Variants in PRKG1 observed in about 807,000 individuals in gnomAD.
The protein encoded by PRKG1 is protein kinase cGMP-dependent 1.
PRKG1 carries 35 observed loss-of-function variants against 88.1 expected under a neutral mutation model. The observed-to-expected ratio is 0.40, with a 90% CI of 0.30 to 0.53. PRKG1 has a LOEUF of 0.53. Among genes scored for constraint, PRKG1 ranks in the 20% least tolerant of loss-of-function variants. The probability of loss-of-function intolerance (pLI) is 0.59; values close to 1 mark genes in which losing one functional copy is unlikely to be tolerated. For synonymous variants in PRKG1, 303 were observed against 292.5 expected (o/e 1.04, Z -0.37); for missense variants, 540 against 839.8 (o/e 0.64, Z 4.41).
chr10:52,246,390 T>G lies in PRKG1; in HGVS notation c.1077-5180T>G, dbSNP rs1841021634. On this transcript the variant is annotated intron_variant, in intron 9 of 17. Transcript: ENST00000373980. The stretch of plus-strand genomic sequence containing the variant: ...GAGATGGGGAAGGGGAGGAAGAGAC[T>G]GAGATTATTCTATTATTGTTTTCTT... Among the ~76,000 whole-genome samples, 3 of 151,602 alleles carry G rather than the reference T, an allele frequency of 2.0e-5. 1 individual carries two copies. Among genetic ancestry groups the G allele is most frequent in the Admixed American group, 2.0e-4 (3 of 15,180 alleles).
chr10:51,039,579 TTG>T (rs376505695), intron 1 of PRKG1, among the ~76,000 whole-genome samples: 1 of 151,854 alleles, frequency 6.6e-6, no homozygotes, highest in Non-Finnish European at 1.5e-5. Context: ...GGAGAAGTTT[TTG>T]TGTGTGTGTG....
At chr10:51,752,009 T>C (rs1004572889) in intron 3 of PRKG1, among the ~76,000 whole-genome samples, 6 of 152,210 alleles carry the variant, frequency 3.9e-5, no homozygotes, top group African/African-American at 7.2e-5. Flanking sequence ...GTACAAACTT[T>C]TTTTACTGAT....
chr10:51,344,285 G>T (rs211084), intron 2 of PRKG1, among the ~76,000 whole-genome samples: 1 of 151,828 alleles, frequency 6.6e-6, no homozygotes, highest in Non-Finnish European at 1.5e-5. Flanking sequence ...GCTTTTATAC[G>T]ACCAGATCTT....
At position 52,001,210 on chromosome 10, in the gene PRKG1, T is replaced by C. The variant is rs78480376; in HGVS notation, c.763-53274T>C. Among the ~76,000 whole-genome samples, 1,256 of 152,098 alleles carry C rather than the reference T, an allele frequency of 8.3e-3. 11 individuals are homozygous for C. Among genetic ancestry groups the C allele is most frequent in the Middle Eastern group, 0.044 (13 of 294 alleles). ...TTTTTCAAGACTGGATAATATTTCA[T>C]TGTGTATAACTTTTCTTTACCCATT... is the stretch of plus-strand genomic sequence containing the variant. On this transcript the variant is annotated intron_variant, in intron 5 of 17. Coordinates refer to ENST00000373980, the MANE Select transcript of PRKG1 (RefSeq NM_006258.4).
intron 2 of PRKG1, among the ~76,000 whole-genome samples, chr10:51,240,311 CTA>C (rs1187109892): frequency 2.0e-5 from 3 of 152,162 alleles, no homozygotes; most frequent in Non-Finnish European, 2.9e-5. Flanking sequence ...CTCAGCATTT[CTA>C]TGTTTTTTAT....
chr10:51,838,190 T>C (rs759304182), intron 4 of PRKG1, among the ~76,000 whole-genome samples: 1 of 152,166 alleles, frequency 6.6e-6, no homozygotes, highest in East Asian at 1.9e-4. Flanking sequence ...ATTTAAAATA[T>C]AACATTCAAG....
intron 2 of PRKG1, among the ~76,000 whole-genome samples, chr10:51,232,400 C>A (rs1484034002): frequency 6.6e-6 from 1 of 152,054 alleles, no homozygotes; most frequent in Non-Finnish European, 1.5e-5. Flanking sequence ...CAGCTGTTTG[C>A]CAGGTATGGT....
At chr10:51,966,790 C>G (rs1278432004) in intron 5 of PRKG1, among the ~76,000 whole-genome samples, 1 of 152,308 alleles carries the variant, frequency 6.6e-6, no homozygotes, top group Middle Eastern at 3.4e-3. Context: ...TCCAGGCCAG[C>G]CTTTCCTCAT....
At chr10:51,489,439 A>G (rs1402938013) in intron 3 of PRKG1, among the ~76,000 whole-genome samples, 1 of 152,144 alleles carries the variant, frequency 6.6e-6, no homozygotes, top group Non-Finnish European at 1.5e-5. Context: ...TATTCCCCCA[A>G]CTAGCAGCAT....
intron 2 of PRKG1, among the ~76,000 whole-genome samples, chr10:51,364,644 A>C (rs2132594102): frequency 6.6e-6 from 1 of 152,116 alleles, no homozygotes; most frequent in Non-Finnish European, 1.5e-5. Flanking sequence ...AGCCAAGCTC[A>C]AATGGATGGA....
intron 3 of PRKG1, among the ~76,000 whole-genome samples, chr10:51,626,106 G>A (rs958433104): frequency 2.6e-5 from 4 of 152,096 alleles, no homozygotes; most frequent in African/African-American, 9.7e-5. Flanking sequence ...TGTCACAAAG[G>A]GAAGAAACTT....
chr10:51,718,037 C>A (rs1478119805), intron 3 of PRKG1, among the ~76,000 whole-genome samples: 3 of 152,042 alleles, frequency 2.0e-5, no homozygotes, highest in African/African-American at 4.8e-5. Flanking sequence ...TTAATTATTT[C>A]TTGTGCACTA....
At chr10:51,917,597 C>T (rs1027128015) in intron 5 of PRKG1, among the ~76,000 whole-genome samples, 3 of 152,022 alleles carry the variant, frequency 2.0e-5, no homozygotes, top group Non-Finnish European at 4.4e-5. Context: ...TGCAAATATC[C>T]TGATGGCAAA....
At chr10:51,988,996 A>G (rs1844233509) in intron 5 of PRKG1, among the ~76,000 whole-genome samples, 1 of 152,072 alleles carries the variant, frequency 6.6e-6, no homozygotes, top group Admixed American at 6.6e-5. Context: ...TCTAAAAATT[A>G]GCTTATCTTT....
rs1352616904 is a variant in PRKG1 at position 51,806,897 on chromosome 10, C to A, written c.698+2207C>A. Among the ~76,000 whole-genome samples the A allele has an allele frequency of 2.0e-5, 3 of 152,136 alleles. No individual in the cohort carries two copies. In the East Asian group the frequency reaches 5.8e-4, roughly 29 times the overall value. ...ACATTCCCTCTCTGCCTGCCCCTCTCCTCCGTCACTGTCAATGTTCAAATT... is the reference window on the plus strand; with the variant it reads ...ACATTCCCTCTCTGCCTGCCCCTCTACTCCGTCACTGTCAATGTTCAAATT... On this transcript the variant is annotated intron_variant, in intron 4 of 17. Transcript: ENST00000373980.
intron 3 of PRKG1, among the ~76,000 whole-genome samples, chr10:51,771,613 C>A (rs1435557066): frequency 6.6e-6 from 1 of 152,068 alleles, no homozygotes; most frequent in Non-Finnish European, 1.5e-5. Flanking sequence ...TGAGTACAAC[C>A]CCTACTGATG....
chr10:51,645,018 C>T (rs888524870), intron 3 of PRKG1, among the ~76,000 whole-genome samples: 1 of 152,108 alleles, frequency 6.6e-6, no homozygotes, highest in South Asian at 2.1e-4. Flanking sequence ...GAACTCCTAA[C>T]CTAAAGTGAG....
chr10:52,144,518 C>T (rs1351095625), intron 8 of PRKG1, among the ~76,000 whole-genome samples: 2 of 152,112 alleles, frequency 1.3e-5, no homozygotes, highest in South Asian at 2.1e-4. Context: ...AGAGCCTTAA[C>T]TTTAGTCTAG....
intron 1 of PRKG1, among the ~76,000 whole-genome samples, chr10:51,122,354 A>G (rs1382006608): frequency 6.6e-6 from 1 of 152,162 alleles, no homozygotes; most frequent in African/African-American, 2.4e-5. Flanking sequence ...CATGGACACA[A>G]TATCAACACA....
Sources: gnomAD v4.1 joint callset for allele counts (sites outside exome capture counted in the v4.1 genomes callset) on GRCh38, gnomAD v4.1.1 for gene constraint, MANE v1.5 for transcripts, NCBI Gene and HGNC (gene_info 2026-07-23, HGNC 2026-07-21) for gene names.